IGF1R: variants seen among roughly 807,000 people sequenced by gnomAD.
IGF1R encodes insulin like growth factor 1 receptor.
IGF1R carries 44 observed loss-of-function variants against 144.6 expected under a neutral mutation model. That is an observed-to-expected ratio of 0.30 (90% CI 0.24 to 0.39). The LOEUF is 0.39. IGF1R is among the 10% of genes least tolerant of loss of function. The pLI, the probability that IGF1R is intolerant of heterozygous loss-of-function variation, is 1.00. For synonymous variants in IGF1R, 795 were observed against 722.8 expected, an observed-to-expected ratio of 1.10 and a Z score of -1.60; for missense variants, 1,355 against 1,833.7, an observed-to-expected ratio of 0.74 and a Z score of 4.77.
At chr15:98,717,788 A>G (rs2054154889) in intron 2 of IGF1R, among the ~76,000 whole-genome samples, 2 of 152,220 alleles carry the variant, frequency 1.3e-5, no homozygotes, top group South Asian at 2.1e-4. Flanking sequence ...GTCTGTTTGC[A>G]TGGATAACAT....
chr15:98,705,004 G>T lies in IGF1R; in HGVS notation c.95-2558G>T, dbSNP rs139030757. ...TACAAGCTTGGAAGGTGGATTATGT[G>T]GGGGGATGAGTGAGTTGTTTGACAC... On this transcript the variant is annotated intron_variant, in intron 1 of 20. Coordinates refer to ENST00000650285, the MANE Select transcript of IGF1R (RefSeq NM_000875.5). Among the ~76,000 whole-genome samples the T allele has an allele frequency of 5.5e-3, 831 of 149,886 alleles. 9 individuals are homozygous for T. Among genetic ancestry groups the T allele is most frequent in the East Asian group, 0.017 (88 of 5,062 alleles).
At chr15:98,692,715 G>A (rs979254029) in intron 1 of IGF1R, among the ~76,000 whole-genome samples, 1 of 152,136 alleles carries the variant, frequency 6.6e-6, no homozygotes, top group African/African-American at 2.4e-5. Flanking sequence ...GCTCTTTCCC[G>A]CAACAACTAC....
At chr15:98,688,485 G>A (rs1409772221) in intron 1 of IGF1R, among the ~76,000 whole-genome samples, 1 of 151,454 alleles carries the variant, frequency 6.6e-6, no homozygotes, top group Admixed American at 6.6e-5. Context: ...ATACCTTTGC[G>A]TAGCGTTGGC....
intron 17 of IGF1R, 24 bp from the exon 18 acceptor site, chr15:98,939,177 T>C (rs1279720070): frequency 1.2e-6 from 2 of 1,608,358 alleles, no homozygotes; most frequent in Admixed American, 3.3e-5. Context: ...AATTCTCATG[T>C]GAATTTTTTT....
At chr15:98,765,785 C>T (rs533403425) in intron 2 of IGF1R, among the ~76,000 whole-genome samples, 42 of 152,286 alleles carry the variant, frequency 2.8e-4, no homozygotes, top group African/African-American at 8.4e-4. Context: ...AAATTCTCCC[C>T]CATGATTGCA....
intron 2 of IGF1R, among the ~76,000 whole-genome samples, chr15:98,854,941 G>GC (rs370531431): frequency 0.15 from 22,172 of 150,202 alleles, 2,201 homozygotes; most frequent in East Asian, 0.38. Context: ...CTCCACCCCT[G>GC]CCCCCCCCAA....
chr15:98,917,093 G>A (rs2015287803), intron 10 of IGF1R: 1 of 626,656 alleles, frequency 1.6e-6, no homozygotes, highest in South Asian at 1.7e-5. Context: ...TGGGTTGCTG[G>A]GGCCACCGGT....
At position 98,962,201 on chromosome 15, in the gene IGF1R, G is replaced by GACGGTGTTGGCCAC. The variant is rs1186107935; in HGVS notation, c.*4760_*4773dup. The GACGGTGTTGGCCAC allele has an allele frequency of 4.3e-6, 1 of 233,256 alleles. No individual in the cohort carries two copies. The highest frequency in any genetic ancestry group is 2.2e-5 in the African/African-American group (1 of 45,354). The allele number at this position is 233,256 out of a possible 1,614,324, so 14.4% of individuals were successfully genotyped here. A position where few individuals can be genotyped will look rare whatever the true frequency, so the allele number is the denominator to read the frequency against. ...ACGTTGGCTCCTTCCAGGGTGGCCAGACGGTGTTGGCCACTCCCTTCTAAA... is the reference window on the plus strand; with the variant it reads ...ACGTTGGCTCCTTCCAGGGTGGCCAGACGGTGTTGGCCACACGGTGTTGGCCACTCCCTTCTAAA... On this transcript the variant is annotated 3_prime_UTR_variant, in exon 21 of 21. Transcript: ENST00000650285.
At chr15:98,710,402 C>T (rs903382803) in intron 2 of IGF1R, among the ~76,000 whole-genome samples, 2 of 152,060 alleles carry the variant, frequency 1.3e-5, no homozygotes, top group African/African-American at 4.8e-5. Flanking sequence ...GCGTAGATTC[C>T]ATTTAGACCT....
intron 2 of IGF1R, among the ~76,000 whole-genome samples, chr15:98,786,605 G>C (rs1263930105): frequency 6.6e-6 from 1 of 152,132 alleles, no homozygotes; most frequent in Non-Finnish European, 1.5e-5. Flanking sequence ...GAAACACAGG[G>C]GATTTCTCTG....
intron 2 of IGF1R, among the ~76,000 whole-genome samples, chr15:98,735,178 A>G (rs1008859042): frequency 6.6e-6 from 1 of 152,180 alleles, no homozygotes; most frequent in Non-Finnish European, 1.5e-5. Flanking sequence ...GTTTCAGTCC[A>G]GGTAGGGTTT....
chr15:98,658,140 C>G (rs1596148112), intron 1 of IGF1R, among the ~76,000 whole-genome samples: 1 of 152,180 alleles, frequency 6.6e-6, no homozygotes, highest in Admixed American at 6.5e-5. Context: ...CTGGTACTCC[C>G]CAGCATCTGT....
Position 98,704,136 on chromosome 15 carries a change from C to A in IGF1R, c.95-3426C>A, listed in dbSNP as rs952435810. On this transcript the variant is annotated intron_variant, in intron 1 of 20. Coordinates refer to ENST00000650285, the MANE Select transcript of IGF1R (RefSeq NM_000875.5). The surrounding 1 kb of genome is among the most constrained non-coding windows in gnomAD (Gnocchi z 4.9). ...ACACATGCCCAGATTCCCTCAGACA[C>A]CTCCACAAAGGGTAATAAAATGGTT... 1.3e-5 allele frequency among the ~76,000 whole-genome samples: 2 copies of A among 152,180 alleles called. No individual in the cohort carries two copies. The highest frequency in any genetic ancestry group is 2.9e-5 in the Non-Finnish European group (2 of 68,044).
chr15:98,745,164 A>G (rs1405632525), intron 2 of IGF1R, among the ~76,000 whole-genome samples: 1 of 152,234 alleles, frequency 6.6e-6, no homozygotes, highest in Non-Finnish European at 1.5e-5. Context: ...TTCTCAAGTA[A>G]AGCAACAGTA....
chr15:98,657,409 C>G (rs186026014), intron 1 of IGF1R, among the ~76,000 whole-genome samples: 1 of 152,204 alleles, frequency 6.6e-6, no homozygotes, highest in African/African-American at 2.4e-5. Context: ...ATTGTAAAAT[C>G]CCTCTCAGTT....
At chr15:98,896,731 T>C (rs956378948) in intron 3 of IGF1R, 26 bp from the exon 4 acceptor site, 2 of 1,612,662 alleles carry the variant, frequency 1.2e-6, no homozygotes, top group Non-Finnish European at 1.7e-6. Context: ...ATGTGTGTTT[T>C]TGATTTTTTT....
At chr15:98,756,138 G>T (rs967247593) in intron 2 of IGF1R, among the ~76,000 whole-genome samples, 3 of 151,206 alleles carry the variant, frequency 2.0e-5, no homozygotes, top group Non-Finnish European at 2.9e-5. Context: ...TTTTTTCCTT[G>T]TTTGCATTCT....
intron 5 of IGF1R, among the ~76,000 whole-genome samples, chr15:98,904,446 G>C (rs958537332): frequency 6.6e-6 from 1 of 152,200 alleles, no homozygotes; most frequent in Non-Finnish European, 1.5e-5. Flanking sequence ...CTGAATATCT[G>C]TATGGTGCCT....
At chr15:98,827,690 C>A (rs2056919672) in intron 2 of IGF1R, among the ~76,000 whole-genome samples, 1 of 152,202 alleles carries the variant, frequency 6.6e-6, no homozygotes, top group Non-Finnish European at 1.5e-5. Flanking sequence ...TCAAGCGATT[C>A]TCCTGCCTCA....
Sources: allele counts gnomAD v4.1 joint callset (sites outside exome capture counted in the v4.1 genomes callset), GRCh38; gene constraint gnomAD v4.1.1; non-coding constraint Gnocchi (gnomAD v3.1); transcripts MANE v1.5; gene names NCBI Gene and HGNC (gene_info 2026-07-23, HGNC 2026-07-21).